The following CNDP1 variants were observed in gnomAD, a reference collection of about 807,000 sequenced individuals.
The protein encoded by CNDP1 is carnosine dipeptidase 1.
A neutral mutation model predicts 58.1 loss-of-function variants in CNDP1; 44 were observed. That is an observed-to-expected ratio of 0.76 (90% CI 0.60 to 0.97). The LOEUF is 0.97. CNDP1 is among the 50% of genes least tolerant of loss of function. CNDP1 has a pLI of 0.00. For missense variants in CNDP1, 616 were observed against 655.1 expected, an observed-to-expected ratio of 0.94 and a Z score of 0.65; for synonymous variants, 254 against 252.6, an observed-to-expected ratio of 1.01 and a Z score of -0.05.
intron 5 of CNDP1, among the ~76,000 whole-genome samples, chr18:74,564,072 C>A (rs1282693253): frequency 2.0e-5 from 3 of 152,218 alleles, no homozygotes; most frequent in African/African-American, 7.2e-5. Flanking sequence ...AACTGAATGA[C>A]TGATTTTCTA....
chr18:74,558,899 G>A (rs1981113179), intron 2 of CNDP1, among the ~76,000 whole-genome samples: 2 of 152,154 alleles, frequency 1.3e-5, no homozygotes, highest in East Asian at 1.9e-4. Flanking sequence ...AGGCCCCTGT[G>A]GGGTTCAGTC....
chr18:74,582,312 G>T (rs930331472), intron 10 of CNDP1, among the ~76,000 whole-genome samples: 3 of 152,152 alleles, frequency 2.0e-5, no homozygotes, highest in Non-Finnish European at 4.4e-5. Context: ...TGTTCTCTCT[G>T]GTTTCTTTGT....
intron 1 of CNDP1, among the ~76,000 whole-genome samples, chr18:74,554,800 C>G (rs147386190): frequency 6.6e-6 from 1 of 152,158 alleles, no homozygotes; most frequent in Non-Finnish European, 1.5e-5. Context: ...GGGAGTCTTG[C>G]GATCTGCCCC....
Position 74,536,000 on chromosome 18 carries a change from C to T in CNDP1, c.24+1309C>T, listed in dbSNP as rs149467024. On this transcript the variant is annotated intron_variant, in intron 1 of 11. Coordinates refer to ENST00000358821, the MANE Select transcript of CNDP1 (RefSeq NM_032649.6). ...TGAGCCATGGTTGCGCCACTGCACT[C>T]CAGCCTGGGAGGCAGAGTAAGACCC... Among the ~76,000 whole-genome samples the T allele has an allele frequency of 7.3e-3, 1,110 of 152,214 alleles. 3 individuals are homozygous for T. Among genetic ancestry groups the T allele is most frequent in the Middle Eastern group, 0.02 (6 of 294 alleles).
intron 1 of CNDP1, among the ~76,000 whole-genome samples, chr18:74,539,662 C>A (rs998895421): frequency 2.0e-5 from 3 of 152,248 alleles, no homozygotes; most frequent in Non-Finnish European, 4.4e-5. Context: ...GGCGTTATTG[C>A]AAGCGCGGTG....
intron 1 of CNDP1, among the ~76,000 whole-genome samples, chr18:74,544,444 C>A (rs915447986): frequency 6.6e-6 from 1 of 152,056 alleles, no homozygotes; most frequent in African/African-American, 2.4e-5. Context: ...AGGCCGGGCA[C>A]GGTGACTCAT....
rs1375668243 is a variant in CNDP1, at chr18:74,567,342, A to C, written c.665A>C (p.Asp222Ala). 6.2e-7 allele frequency: 1 copy of C among 1,614,038 alleles called. No individual in the cohort carries two copies. The highest frequency in any genetic ancestry group is 1.3e-5 in the African/African-American group (1 of 74,916). The change falls in exon 6 of 12, where the codon GAC becomes GCC. Residue 222 changes from aspartate to alanine, a missense_variant. By Grantham distance (126) the Asp-to-Ala change is moderately radical (BLOSUM62 -2). Coordinates refer to ENST00000358821, the MANE Select transcript of CNDP1 (RefSeq NM_032649.6). ...KEKDRFFSGV[D>A]YIVISDNLWI... ...AAGGACCGATTCTTCTCTGGTGTGG[A>C]CTACATTGTAATTTCAGATAACCTG... is the stretch of plus-strand genomic sequence containing the variant.
At chr18:74,577,963 G>C (rs1981675013) in intron 8 of CNDP1, 200 bp from the exon 9 acceptor site, 1 of 505,156 alleles carries the variant, frequency 2.0e-6, no homozygotes, top group Non-Finnish European at 3.5e-6. Flanking sequence ...AGCATTGGTA[G>C]TGATGGGTAG....
intron 1 of CNDP1, among the ~76,000 whole-genome samples, chr18:74,553,365 A>AT (rs560491885): frequency 2.6e-4 from 39 of 151,110 alleles, no homozygotes; most frequent in South Asian, 4.2e-4. Context: ...ATTTACAGCT[A>AT]TTTTTTTTTA....
rs1449604094 is a variant in CNDP1, at chr18:74,586,132, G to A, written c.*1570G>A. 2.0e-5 allele frequency: 3 copies of A among 152,092 alleles called. No homozygotes were observed. Among genetic ancestry groups the A allele is most frequent in the African/African-American group, 7.2e-5 (3 of 41,382 alleles). The allele number at this position is 152,092 out of a possible 1,614,324, so 9.4% of individuals were successfully genotyped here. A position where few individuals can be genotyped will look rare whatever the true frequency, so the allele number is the denominator to read the frequency against. ...TTAAAAGGACTGGAGCAGGCAGGCA[G>A]TGATTCAGTTCACCTTGACTCTAGT... On this transcript the variant is annotated 3_prime_UTR_variant, in exon 12 of 12. Transcript: ENST00000358821.
chr18:74,539,501 C>A (rs1980563987), intron 1 of CNDP1, among the ~76,000 whole-genome samples: 2 of 152,220 alleles, frequency 1.3e-5, no homozygotes, highest in African/African-American at 4.8e-5. Flanking sequence ...GCATTCGGAT[C>A]CTTCCTTGGC....
chr18:74,584,439 C>G, intron 11 of CNDP1, 57 bp from the exon 12 acceptor site: 1 of 1,179,278 alleles, frequency 8.5e-7, no homozygotes, highest in Non-Finnish European at 1.3e-6. Flanking sequence ...AATATTTTTC[C>G]TCCTTCATTT....
chr18:74,573,521 C>G (rs1981552214), intron 7 of CNDP1, among the ~76,000 whole-genome samples: 1 of 152,082 alleles, frequency 6.6e-6, no homozygotes, highest in African/African-American at 2.4e-5. Flanking sequence ...AAATATAGCT[C>G]TTGGATGATA....
chr18:74,567,407 C>T lies in CNDP1; in HGVS notation c.730C>T (p.Arg244Trp), dbSNP rs144622039. 7.3e-5 allele frequency: 118 copies of T among 1,613,778 alleles called. No homozygotes were observed. The highest frequency in any genetic ancestry group is 3.3e-4 in the Middle Eastern group (2 of 6,062). ...GAAGCCAGCAATCACTTACGGAACC[C>T]GGGGGAACAGCTACTTCATGGTGGA... is the stretch of plus-strand genomic sequence containing the variant. ...QRKPAITYGT[R>W]GNSYFMVEVK... is the part of the protein sequence containing the mutation. Residue 244 changes from arginine to tryptophan, a missense_variant, in exon 6 of 12, where the codon CGG (arginine) becomes TGG (tryptophan). By Grantham distance (101) the Arg-to-Trp change is moderately radical. Transcript: ENST00000358821.
At chr18:74,553,433 T>C (rs1328995782) in intron 1 of CNDP1, among the ~76,000 whole-genome samples, 2 of 152,164 alleles carry the variant, frequency 1.3e-5, no homozygotes, top group African/African-American at 2.4e-5. Flanking sequence ...GGTTAGTTCT[T>C]ATATATGGTG....
chr18:74,575,593 T>G (rs536577661), intron 7 of CNDP1, among the ~76,000 whole-genome samples: 26 of 152,352 alleles, frequency 1.7e-4, no homozygotes, highest in African/African-American at 6.3e-4. Context: ...CCATTTGTAT[T>G]GATCTCCAAA....
chr18:74,536,485 G>T (rs1980489403), intron 1 of CNDP1, among the ~76,000 whole-genome samples: 1 of 152,140 alleles, frequency 6.6e-6, no homozygotes, highest in Non-Finnish European at 1.5e-5. Context: ...CTTTTTTATG[G>T]CTGCATAGTA....
At chr18:74,583,738 C>T (rs759673315) in intron 11 of CNDP1, 30 bp downstream of exon 11, 2 of 1,611,642 alleles carry the variant, frequency 1.2e-6, no homozygotes, top group South Asian at 2.2e-5. Context: ...ATGTGCCTCT[C>T]TCTTCTTCCT....
chr18:74,576,796 C>A, intron 7 of CNDP1, 73 bp from the exon 8 acceptor site: 1 of 1,418,858 alleles, frequency 7.0e-7, no homozygotes, highest in Non-Finnish European at 9.6e-7. Context: ...AGTCCTCCCA[C>A]AGTCTGGCTC....
Sources: gnomAD v4.1 joint callset for allele counts (sites outside exome capture counted in the v4.1 genomes callset) on GRCh38, gnomAD v4.1.1 for gene constraint, MANE v1.5 for transcripts, NCBI Gene and HGNC (gene_info 2026-07-23, HGNC 2026-07-21) for gene names.